Variants in STXBP5L observed in about 807,000 individuals in gnomAD.
The protein encoded by STXBP5L is syntaxin-binding protein 5-like.
Under a neutral mutation model 144.5 loss-of-function variants are expected in STXBP5L, and 65 were observed. The observed-to-expected ratio is 0.45, with a 90% CI of 0.37 to 0.55. The LOEUF is 0.55. Among genes scored for constraint, STXBP5L ranks in the 20% least tolerant of loss-of-function variants. The pLI, the probability that STXBP5L is intolerant of heterozygous loss-of-function variation, is 0.00. For missense variants in STXBP5L, 1,298 were observed against 1,405.5 expected, an observed-to-expected ratio of 0.92 and a Z score of 1.22; for synonymous variants, 505 against 469.6, an observed-to-expected ratio of 1.08 and a Z score of -0.97.
chr3:121,392,770 CATATAT>C (rs71133531), intron 22 of STXBP5L, among the ~76,000 whole-genome samples: 7,287 of 112,234 alleles, frequency 0.065, 264 homozygotes, highest in East Asian at 0.12. Flanking sequence ...TATTTCATGG[CATATAT>C]ATATATATAT....
chr3:121,387,498 G>A (rs570346553), intron 22 of STXBP5L, among the ~76,000 whole-genome samples: 33 of 152,278 alleles, frequency 2.2e-4, no homozygotes, highest in Non-Finnish European at 4.3e-4. Context: ...GTCCTGAATG[G>A]TATTGCCTAG....
chr3:120,959,820 A>G (rs994914961), intron 3 of STXBP5L, among the ~76,000 whole-genome samples: 2 of 152,216 alleles, frequency 1.3e-5, no homozygotes, highest in Non-Finnish European at 2.9e-5. Flanking sequence ...AAACCTAGGC[A>G]ATACCATTCA....
intron 20 of STXBP5L, among the ~76,000 whole-genome samples, chr3:121,360,218 ACTC>A (rs1304696974): frequency 4.0e-5 from 6 of 149,964 alleles, no homozygotes; most frequent in African/African-American, 1.2e-4. Flanking sequence ...AAATATAGTG[ACTC>A]CTCCTTTTTT....
intron 22 of STXBP5L, among the ~76,000 whole-genome samples, chr3:121,387,945 A>G (rs1176493360): frequency 6.6e-6 from 1 of 152,154 alleles, no homozygotes; most frequent in Admixed American, 6.5e-5. Context: ...GAAGAAAGTC[A>G]TTGGTAGCTT....
In STXBP5L at chr3:121,254,975, G is replaced by A; in HGVS notation, c.1522G>A (p.Glu508Lys). 6.2e-7 allele frequency: 1 copy of A among 1,613,562 alleles called. No homozygotes were observed. The highest frequency in any genetic ancestry group is 8.5e-7 in the Non-Finnish European group (1 of 1,179,686). ...GGTAGGAGAAGGAAAACAAACATGT[G>A]AAATTGTAGAGGAAGACCCATTTGC... ...QKVGEGKQTC[E>K]IVEEDPFAIQ... is the part of the protein sequence containing the mutation. The change falls in exon 16 of 27, where the codon GAA becomes AAA. Residue 508 changes from glutamate (E) to lysine (K), a missense_variant. Glu to Lys is a moderately conservative substitution (Grantham distance 56). Coordinates refer to ENST00000471454, the MANE Select transcript of STXBP5L (RefSeq NM_001308330.2).
intron 10 of STXBP5L, among the ~76,000 whole-genome samples, chr3:121,217,320 G>A (rs1448852094): frequency 1.3e-5 from 2 of 152,166 alleles, no homozygotes; most frequent in African/African-American, 2.4e-5. Flanking sequence ...CGTAGGCACT[G>A]GAGGGAATCT....
chr3:120,932,375 C>G (rs113064766), intron 2 of STXBP5L, among the ~76,000 whole-genome samples: 2,939 of 152,224 alleles, frequency 0.019, 87 homozygotes, highest in African/African-American at 0.066. Context: ...GTTATTTCCT[C>G]CATATAATAG....
At chr3:121,013,520 T>C (rs1472677474) in intron 3 of STXBP5L, among the ~76,000 whole-genome samples, 1 of 151,994 alleles carries the variant, frequency 6.6e-6, no homozygotes, top group African/African-American at 2.4e-5. Context: ...TCATGATCTT[T>C]GCCCACTTTC....
chr3:121,268,604 C>G (rs1277533161), intron 18 of STXBP5L, among the ~76,000 whole-genome samples: 2 of 152,030 alleles, frequency 1.3e-5, no homozygotes, highest in East Asian at 1.9e-4. Flanking sequence ...ATATTATATA[C>G]TTGAATACAC....
At chr3:121,225,270 T>C (rs2049086142) in intron 11 of STXBP5L, among the ~76,000 whole-genome samples, 1 of 151,958 alleles carries the variant, frequency 6.6e-6, no homozygotes. Context: ...AGCTGTAATC[T>C]CTGGGATTAT....
At chr3:121,395,636 T>C (rs1247327843) in intron 22 of STXBP5L, among the ~76,000 whole-genome samples, 1 of 152,202 alleles carries the variant, frequency 6.6e-6, no homozygotes, top group South Asian at 2.1e-4. Flanking sequence ...ATCTAGGCAT[T>C]ATTGCCAGCC....
intron 20 of STXBP5L, among the ~76,000 whole-genome samples, chr3:121,355,829 C>G (rs927751560): frequency 2.0e-5 from 3 of 152,192 alleles, no homozygotes; most frequent in African/African-American, 4.8e-5. Flanking sequence ...GTGGTCTTAT[C>G]TACCTTTGGT....
rs556520950 is a variant in STXBP5L at position 121,130,905 on chromosome 3, A to G, written c.669+9201A>G. On this transcript the variant is annotated intron_variant, in intron 7 of 26. Transcript: ENST00000471454. ...ATGGAATATAATGAAAATAATTATC[A>G]AAAACAATTTGTAGTCTTTAAATCA... Among the ~76,000 whole-genome samples the G allele has an allele frequency of 1.2e-4, 18 of 152,232 alleles. No homozygotes were observed. In the East Asian group the frequency reaches 3.5e-3, roughly 29 times the overall value.
At chr3:121,015,325 A>G (rs947875837) in intron 3 of STXBP5L, among the ~76,000 whole-genome samples, 2 of 152,182 alleles carry the variant, frequency 1.3e-5, no homozygotes, top group East Asian at 3.8e-4. Flanking sequence ...TGTTACTCCC[A>G]TTCTTAAAAC....
rs372114816 is a variant in STXBP5L, at chr3:121,355,779, C to T, written c.2177-22937C>T. The stretch of plus-strand genomic sequence containing the variant: ...GAGGAGAAGAGGCACTCTGATTTTT[C>T]GAATTTTCAGCTTTTCTGCTCTGGT... On this transcript the variant is annotated intron_variant, in intron 20 of 26. Coordinates refer to ENST00000471454, the MANE Select transcript of STXBP5L (RefSeq NM_001308330.2). 3.3e-4 allele frequency among the ~76,000 whole-genome samples: 50 copies of T among 152,204 alleles called. No individual in the cohort carries two copies. In the East Asian group the frequency reaches 7.3e-3, roughly 22 times the overall value.
At position 121,152,473 on chromosome 3, in the gene STXBP5L, C is replaced by T. The variant is rs2045965197; in HGVS notation, c.670-4C>T. 2 of 1,588,416 alleles carry T rather than the reference C, an allele frequency of 1.3e-6. No individual in the cohort carries two copies. The highest frequency in any genetic ancestry group is 1.7e-6 in the Non-Finnish European group (2 of 1,166,866). ...AAGAAAATGATTGTTCTAATGTTTT[C>T]CAGCTGCTAATAGGTTATGAAAATG... On this transcript the variant is annotated splice_region_variant and splice_polypyrimidine_tract_variant and intron_variant, in intron 7 of 26. Coordinates refer to ENST00000471454, the MANE Select transcript of STXBP5L (RefSeq NM_001308330.2).
At chr3:120,996,042 G>A (rs887788615) in intron 3 of STXBP5L, among the ~76,000 whole-genome samples, 2 of 152,054 alleles carry the variant, frequency 1.3e-5, no homozygotes, top group Non-Finnish European at 2.9e-5. Flanking sequence ...TACACAATTA[G>A]CAGTTTTCTT....
At chr3:121,173,260 A>C (rs900747069) in intron 9 of STXBP5L, among the ~76,000 whole-genome samples, 1 of 151,916 alleles carries the variant, frequency 6.6e-6, no homozygotes, top group Middle Eastern at 3.4e-3. Context: ...GCAAACCACC[A>C]TGGCACGTGT....
intron 3 of STXBP5L, among the ~76,000 whole-genome samples, chr3:121,002,600 C>A (rs1040482012): frequency 6.6e-6 from 1 of 152,108 alleles, no homozygotes; most frequent in African/African-American, 2.4e-5. Flanking sequence ...ATATTCAAAA[C>A]AATCATTACC....
Sources: allele counts gnomAD v4.1 joint callset (sites outside exome capture counted in the v4.1 genomes callset), GRCh38; gene constraint gnomAD v4.1.1; transcripts MANE v1.5; gene names NCBI Gene and HGNC (gene_info 2026-07-23, HGNC 2026-07-21).